The following AGBL4 variants were observed in gnomAD, a reference collection of about 807,000 sequenced individuals.
AGBL4 encodes cytosolic carboxypeptidase 6.
Under a neutral mutation model 66.4 loss-of-function variants are expected in AGBL4, and 58 were observed. The observed-to-expected ratio is 0.87, with a 90% CI of 0.71 to 1.09. The LOEUF (loss-of-function observed/expected upper bound fraction) is 1.09. AGBL4 is among the 50% of genes least tolerant of loss of function. The pLI, the probability that AGBL4 is intolerant of heterozygous loss-of-function variation, is 0.00. For synonymous variants in AGBL4, 234 were observed against 222.9 expected, an observed-to-expected ratio of 1.05 and a Z score of -0.44; for missense variants, 579 against 631.0, an observed-to-expected ratio of 0.92 and a Z score of 0.88.
chr1:49,940,449 C>T (rs1283379661), intron 1 of AGBL4, among the ~76,000 whole-genome samples: 1 of 152,084 alleles, frequency 6.6e-6, no homozygotes, highest in Non-Finnish European at 1.5e-5. Flanking sequence ...TTGGAACCAA[C>T]CCAAATGTCC....
intron 11 of AGBL4, among the ~76,000 whole-genome samples, chr1:48,580,158 G>A (rs1034491127): frequency 6.6e-6 from 1 of 152,098 alleles, no homozygotes; most frequent in Non-Finnish European, 1.5e-5. Flanking sequence ...CCCCAACAGG[G>A]GTAAACCATC....
intron 1 of AGBL4, among the ~76,000 whole-genome samples, chr1:49,937,096 T>A (rs1388768897): frequency 1.3e-5 from 2 of 151,990 alleles, no homozygotes; most frequent in Non-Finnish European, 2.9e-5. Context: ...AGGAAACCCA[T>A]CTCATGTGCA....
At chr1:48,590,538 A>G (rs547897653) in intron 10 of AGBL4, among the ~76,000 whole-genome samples, 1 of 152,306 alleles carries the variant, frequency 6.6e-6, no homozygotes, top group East Asian at 1.9e-4. Context: ...CCTGAGTGAC[A>G]GAGCGAGATC....
chr1:49,474,325 C>T (rs1175120313), intron 3 of AGBL4, among the ~76,000 whole-genome samples: 1 of 151,914 alleles, frequency 6.6e-6, no homozygotes, highest in Non-Finnish European at 1.5e-5. Flanking sequence ...TTCTAGTTCT[C>T]ATTGTAGAGA....
At chr1:48,807,102 T>C (rs1645942666) in intron 6 of AGBL4, among the ~76,000 whole-genome samples, 1 of 152,230 alleles carries the variant, frequency 6.6e-6, no homozygotes, top group African/African-American at 2.4e-5. Context: ...CTAGGAAGCA[T>C]TCTGTGATAT....
intron 4 of AGBL4, among the ~76,000 whole-genome samples, chr1:49,080,592 G>T (rs1644792154): frequency 6.6e-6 from 1 of 152,048 alleles, no homozygotes; most frequent in East Asian, 1.9e-4. Context: ...CAGCCTTGGG[G>T]CAGGTGGAAG....
At chr1:48,856,484 C>T (rs1319483112) in intron 6 of AGBL4, among the ~76,000 whole-genome samples, 1 of 151,922 alleles carries the variant, frequency 6.6e-6, no homozygotes, top group Non-Finnish European at 1.5e-5. Flanking sequence ...TTGAAACAGC[C>T]CCTCGGCTGT....
At chr1:48,950,495 T>C (rs144673608) in intron 5 of AGBL4, among the ~76,000 whole-genome samples, 328 of 152,386 alleles carry the variant, frequency 2.2e-3, no homozygotes, top group African/African-American at 7.7e-3. Flanking sequence ...TTAAGCACTA[T>C]AAACTTCCTT....
the AGBL4 span, among the ~76,000 whole-genome samples, chr1:48,526,942 G>T: frequency 6.6e-6 from 1 of 152,206 alleles, no homozygotes; most frequent in Non-Finnish European, 1.5e-5. Flanking sequence ...ATCCAGGACC[G>T]CTGACTCTAA....
At chr1:48,973,205 A>G (rs1200494952) in intron 5 of AGBL4, among the ~76,000 whole-genome samples, 1 of 152,174 alleles carries the variant, frequency 6.6e-6, no homozygotes, top group Non-Finnish European at 1.5e-5. Flanking sequence ...TAGTCCCATA[A>G]CTATTCATGG....
intron 4 of AGBL4, among the ~76,000 whole-genome samples, chr1:49,118,770 T>G (rs1312405829): frequency 6.6e-6 from 1 of 152,214 alleles, no homozygotes; most frequent in African/African-American, 2.4e-5. Context: ...TCAGATGGAA[T>G]GGTACCAGCA....
intron 1 of AGBL4, among the ~76,000 whole-genome samples, chr1:49,902,505 T>C (rs1314806531): frequency 6.6e-6 from 1 of 152,162 alleles, no homozygotes; most frequent in African/African-American, 2.4e-5. Context: ...TCTCAGCACT[T>C]TGGGAGGCCA....
At chr1:49,706,921 A>T (rs183468938) in intron 2 of AGBL4, among the ~76,000 whole-genome samples, 53 of 152,198 alleles carry the variant, frequency 3.5e-4, no homozygotes, top group Non-Finnish European at 6.2e-4. Flanking sequence ...GTTTCTTATG[A>T]TTTCTGTTCT....
intron 6 of AGBL4, among the ~76,000 whole-genome samples, chr1:48,666,512 T>C (rs796892507): frequency 2.0e-5 from 3 of 152,324 alleles, no homozygotes; most frequent in African/African-American, 7.2e-5. Context: ...TTGTGTGGCA[T>C]CCTTAGCATG....
intron 3 of AGBL4, among the ~76,000 whole-genome samples, chr1:49,635,267 T>A (rs1317415917): frequency 6.6e-6 from 1 of 152,142 alleles, no homozygotes; most frequent in Non-Finnish European, 1.5e-5. Context: ...CAGATATAAA[T>A]ATGAAAGATA....
intron 12 of AGBL4, among the ~76,000 whole-genome samples, chr1:48,536,968 G>A (rs148020843): frequency 2.7e-4 from 41 of 152,262 alleles, no homozygotes; most frequent in Middle Eastern, 3.4e-3. Flanking sequence ...CAATGATGCC[G>A]GCAGGCTTCT....
chr1:48,594,602 T>C (rs1644968313), intron 9 of AGBL4, among the ~76,000 whole-genome samples: 1 of 152,206 alleles, frequency 6.6e-6, no homozygotes, highest in African/African-American at 2.4e-5. Flanking sequence ...ATCTTTTCTT[T>C]TGTGGTTTCC....
At chr1:48,649,072 A>G (rs1484600275) in intron 8 of AGBL4, among the ~76,000 whole-genome samples, 1 of 152,248 alleles carries the variant, frequency 6.6e-6, no homozygotes, top group Non-Finnish European at 1.5e-5. Flanking sequence ...AATATATATC[A>G]AGAGCCCATT....
chr1:49,214,754 T>G (rs756620337), intron 4 of AGBL4, among the ~76,000 whole-genome samples: 5 of 152,128 alleles, frequency 3.3e-5, no homozygotes, highest in Non-Finnish European at 7.4e-5. Context: ...AGACTAGTAA[T>G]AAGCCTCCTG....
Sources: allele counts gnomAD v4.1 joint callset (sites outside exome capture counted in the v4.1 genomes callset), GRCh38; gene constraint gnomAD v4.1.1; transcripts MANE v1.5; gene names NCBI Gene and HGNC (gene_info 2026-07-23, HGNC 2026-07-21).